Variants in MICU3 observed in about 807,000 individuals in gnomAD.
The protein encoded by MICU3 is mitochondrial calcium uptake 3.
A neutral mutation model predicts 66.5 loss-of-function variants in MICU3; 62 were observed. The observed-to-expected ratio is 0.93, with a 90% CI of 0.76 to 1.15. MICU3 has a LOEUF of 1.15. MICU3 is among the 50% of genes most tolerant of loss of function. The pLI, the probability that MICU3 is intolerant of heterozygous loss-of-function variation, is 0.00. For missense variants in MICU3, 779 were observed against 664.4 expected (o/e 1.17, Z -1.90); for synonymous variants, 308 against 240.7 (o/e 1.28, Z -2.59).
rs976572862 is a variant in MICU3 at position 17,041,125 on chromosome 8, T to G, written c.381+13465T>G. 1.2e-4 allele frequency among the ~76,000 whole-genome samples: 18 copies of G among 152,042 alleles called. 1 individual carries two copies. Among genetic ancestry groups the G allele is most frequent in the Admixed American group, 6.6e-4 (10 of 15,264 alleles). ...TTTGGGAATCATCACGTATTAAAAA[T>G]CATAAGAATGGATGACATTGTTCAG... On this transcript the variant is annotated intron_variant, in intron 1 of 14. Coordinates refer to ENST00000318063, the MANE Select transcript of MICU3 (RefSeq NM_181723.3).
At chr8:17,116,797 G>A (rs1455009938) in intron 13 of MICU3, among the ~76,000 whole-genome samples, 197 bp downstream of exon 13, 1 of 152,122 alleles carries the variant, frequency 6.6e-6, no homozygotes, top group Admixed American at 6.6e-5. Flanking sequence ...TTTAAAAAAT[G>A]TGAAATCAGT....
intron 4 of MICU3, among the ~76,000 whole-genome samples, chr8:17,079,639 C>A (rs768731778): frequency 5.9e-5 from 9 of 151,878 alleles, no homozygotes; most frequent in African/African-American, 1.2e-4. Flanking sequence ...ACCTCCTGGG[C>A]TTAAGCGATT....
At position 17,034,145 on chromosome 8, in the gene MICU3, A is replaced by G. The variant is rs79159121; in HGVS notation, c.381+6485A>G. Among the ~76,000 whole-genome samples, 524 of 152,346 alleles carry G rather than the reference A, an allele frequency of 3.4e-3. 1 individual carries two copies. Among genetic ancestry groups the G allele is most frequent in the African/African-American group, 0.011 (475 of 41,584 alleles). ...CATTCTGAAAATCCTAGGGCCCTTA[A>G]GAATTATGCTAAATCTATGCTACCT... On this transcript the variant is annotated intron_variant, in intron 1 of 14. Coordinates refer to ENST00000318063, the MANE Select transcript of MICU3 (RefSeq NM_181723.3).
rs547684669 is a variant in MICU3, at chr8:17,082,971, C to T, written c.694+1231C>T. On this transcript the variant is annotated intron_variant, in intron 5 of 14. Transcript: ENST00000318063. ...ACTAGACTGAGCCAATTTATCAAGA[C>T]GGGAATTACAACAGAGAAAGAGTAA... Among the ~76,000 whole-genome samples the T allele has an allele frequency of 8.5e-5, 13 of 152,054 alleles. No individual in the cohort carries two copies. The South Asian group carries it at 1.0e-3, about 12-fold the overall frequency.
intron 7 of MICU3, among the ~76,000 whole-genome samples, chr8:17,089,263 C>G (rs2150753292): frequency 6.6e-6 from 1 of 152,076 alleles, no homozygotes; most frequent in East Asian, 1.9e-4. Context: ...ACTAACAGCA[C>G]TTTACACTAT....
chr8:17,115,045 G>A (rs1585566900), intron 12 of MICU3, among the ~76,000 whole-genome samples: 3 of 150,978 alleles, frequency 2.0e-5, no homozygotes, highest in Admixed American at 2.0e-4. Flanking sequence ...CGTGAACCCG[G>A]GAGGCGGAGC....
At position 17,083,768 on chromosome 8, in the gene MICU3, TGA is replaced by T. The variant is rs1192393671; in HGVS notation, c.695-1462_695-1461del. Among the ~76,000 whole-genome samples, 11 of 152,210 alleles carry T rather than the reference TGA, an allele frequency of 7.2e-5. No homozygotes were observed. In the East Asian group the frequency reaches 1.9e-3, roughly 27 times the overall value. On this transcript the variant is annotated intron_variant, in intron 5 of 14. Coordinates refer to ENST00000318063, the MANE Select transcript of MICU3 (RefSeq NM_181723.3). The stretch of plus-strand genomic sequence containing the variant: ...CCAGTCAATGATGCTATCCTGAGAA[TGA>T]GAGAGGGTGCAAAGGAGTGTCTCAA...
intron 1 of MICU3, among the ~76,000 whole-genome samples, chr8:17,034,501 C>A (rs1812642903): frequency 6.6e-6 from 1 of 152,142 alleles, no homozygotes. Flanking sequence ...TGGATCTGGG[C>A]AAAGTGAATT....
At chr8:17,030,997 A>C (rs1196020033) in intron 1 of MICU3, among the ~76,000 whole-genome samples, 1 of 151,850 alleles carries the variant, frequency 6.6e-6, no homozygotes, top group African/African-American at 2.4e-5. Context: ...ATACTCCTTT[A>C]CTGTGAATTT....
intron 1 of MICU3, among the ~76,000 whole-genome samples, chr8:17,038,206 G>T (rs577352730): frequency 2.7e-4 from 41 of 152,260 alleles, no homozygotes; most frequent in African/African-American, 9.6e-4. Context: ...TGGTTTGGCT[G>T]TGTGTCCCAC....
intron 1 of MICU3, among the ~76,000 whole-genome samples, chr8:17,037,926 T>C (rs1028886964): frequency 6.6e-6 from 1 of 152,324 alleles, no homozygotes; most frequent in Admixed American, 6.5e-5. Flanking sequence ...TGGACTGGCA[T>C]GGGACTGTAG....
intron 1 of MICU3, among the ~76,000 whole-genome samples, chr8:17,045,612 C>G (rs1179954417): frequency 6.6e-6 from 1 of 152,144 alleles, no homozygotes; most frequent in East Asian, 1.9e-4. Flanking sequence ...GGTGGCATAC[C>G]CGGGCTGGCA....
At chr8:17,041,322 A>G (rs1183108728) in intron 1 of MICU3, among the ~76,000 whole-genome samples, 3 of 152,108 alleles carry the variant, frequency 2.0e-5, no homozygotes, top group East Asian at 1.9e-4. Flanking sequence ...AGGTAATACT[A>G]TATTTTCGGA....
intron 8 of MICU3, among the ~76,000 whole-genome samples, chr8:17,092,370 A>G (rs138029730): frequency 2.2e-4 from 34 of 152,194 alleles, no homozygotes; most frequent in African/African-American, 8.2e-4. Context: ...TTTAAACTAC[A>G]TATGCAAATT....
chr8:17,120,375 C>T lies in MICU3; in HGVS notation c.*88C>T, dbSNP rs1014210260. On this transcript the variant is annotated 3_prime_UTR_variant, in exon 15 of 15. Coordinates refer to ENST00000318063, the MANE Select transcript of MICU3 (RefSeq NM_181723.3). ...TTGAGAATGGAAGCAGGTCTGAGGT[C>T]AGAAGAAGTAGAGAATGAAGGAAAA... 1.3e-5 allele frequency: 2 copies of T among 151,796 alleles called. No individual in the cohort carries two copies. Among genetic ancestry groups the T allele is most frequent in the African/African-American group, 4.8e-5 (2 of 41,312 alleles). The allele number at this position is 151,796 out of a possible 1,614,324, so 9.4% of individuals were successfully genotyped here.
At chr8:17,064,389 T>C (rs1818355285) in intron 2 of MICU3, 152 bp downstream of exon 2, 1 of 526,510 alleles carries the variant, frequency 1.9e-6, no homozygotes, top group East Asian at 3.2e-5. Flanking sequence ...CTGATATTTC[T>C]TACAAACTCT....
the MICU3 span, among the ~76,000 whole-genome samples, chr8:17,130,643 T>G: frequency 6.6e-6 from 1 of 152,222 alleles, no homozygotes; most frequent in Non-Finnish European, 1.5e-5. Context: ...TATACTGTTG[T>G]AAGATTGTAT....
At chr8:17,130,368 C>G in the MICU3 span, among the ~76,000 whole-genome samples, 1 of 151,860 alleles carries the variant, frequency 6.6e-6, no homozygotes, top group African/African-American at 2.4e-5. Flanking sequence ...TACAAAAATA[C>G]AAAAATTAGC....
intron 5 of MICU3, 35 bp from the exon 6 acceptor site, chr8:17,085,201 C>T: frequency 1.4e-6 from 2 of 1,447,026 alleles, no homozygotes; most frequent in Non-Finnish European, 1.9e-6. Context: ...TACATTTTTC[C>T]ATTTTGTGAA....
Sources: gnomAD v4.1 joint callset for allele counts (sites outside exome capture counted in the v4.1 genomes callset) on GRCh38, gnomAD v4.1.1 for gene constraint, MANE v1.5 for transcripts, NCBI Gene and HGNC (gene_info 2026-07-23, HGNC 2026-07-21) for gene names.